The following DHX32 variants were observed in gnomAD, a reference collection of about 807,000 sequenced individuals.
The protein encoded by DHX32 is putative pre-mRNA-splicing factor ATP-dependent RNA helicase DHX32.
DHX32 carries 51 observed loss-of-function variants against 70.0 expected under a neutral mutation model. That is an observed-to-expected ratio of 0.73 (90% CI 0.58 to 0.92). The LOEUF is 0.92. DHX32 is among the 40% of genes least tolerant of loss of function. The pLI, the probability that DHX32 is intolerant of heterozygous loss-of-function variation, is 0.00. For missense variants in DHX32, 762 were observed against 891.8 expected (o/e 0.85, Z 1.85); for synonymous variants, 310 against 315.3 (o/e 0.98, Z 0.18).
chr10:125,857,922 C>T (rs1589711755), intron 3 of DHX32, among the ~76,000 whole-genome samples: 1 of 140,298 alleles, frequency 7.1e-6, no homozygotes, highest in Non-Finnish European at 1.5e-5. Context: ...TTTCTAGAGA[C>T]AGGGTCTTGC....
At chr10:125,848,376 G>A (rs1239678768) in intron 6 of DHX32, among the ~76,000 whole-genome samples, 1 of 152,132 alleles carries the variant, frequency 6.6e-6, no homozygotes, top group Non-Finnish European at 1.5e-5. Context: ...CATCTCATTT[G>A]TACCTCTAAA....
chr10:125,881,477 T>C (rs1944317200), upstream of DHX32, among the ~76,000 whole-genome samples: 1 of 152,112 alleles, frequency 6.6e-6, no homozygotes, highest in Non-Finnish European at 1.5e-5. Flanking sequence ...ACCTGGTGAG[T>C]GTTCCTCTAA....
intron 4 of DHX32, 29 bp downstream of exon 4, chr10:125,853,932 G>A (rs1944123569): frequency 1.3e-6 from 2 of 1,597,488 alleles, no homozygotes; most frequent in Non-Finnish European, 1.7e-6. Flanking sequence ...ACGATCAGCA[G>A]TCTGTTTAGC....
intron 6 of DHX32, among the ~76,000 whole-genome samples, chr10:125,851,267 C>T (rs954045708): frequency 2.0e-5 from 3 of 152,200 alleles, no homozygotes; most frequent in African/African-American, 7.2e-5. Context: ...ATATTTTCCC[C>T]AAGCACAGCA....
chr10:125,847,480 C>G (rs1425783847), intron 6 of DHX32, among the ~76,000 whole-genome samples: 3 of 152,066 alleles, frequency 2.0e-5, no homozygotes, highest in African/African-American at 7.2e-5. Context: ...TAGGGAAGAA[C>G]AAAAAGAGCT....
intron 1 of DHX32, among the ~76,000 whole-genome samples, chr10:125,888,096 T>C (rs1012638280): frequency 6.6e-6 from 1 of 152,220 alleles, no homozygotes; most frequent in Admixed American, 6.5e-5. Context: ...CCCTGTACTA[T>C]ATAATATACA....
chr10:125,854,431 G>A (rs924354977), intron 3 of DHX32: 8 of 342,532 alleles, frequency 2.3e-5, no homozygotes, highest in African/African-American at 6.5e-5. Flanking sequence ...ATTTAATTTT[G>A]TTAGATTTCA....
At chr10:125,895,181 T>C (rs944066341) in intron 1 of DHX32, among the ~76,000 whole-genome samples, 2 of 152,242 alleles carry the variant, frequency 1.3e-5, no homozygotes, top group African/African-American at 4.8e-5. Flanking sequence ...TCACAGAATA[T>C]ATGCTTCTCA....
rs1854862484 is a variant in DHX32 at position 125,841,009 on chromosome 10, A to G, written c.1544-13T>C. 6.3e-7 allele frequency: 1 copy of G among 1,592,568 alleles called. No individual in the cohort carries two copies. Among genetic ancestry groups the G allele is most frequent in the South Asian group, 1.1e-5 (1 of 89,552 alleles). ...AAGCAATTTGGAGCTTCAAAATGAA[A>G]AAGGTCACATGGTTAGCAATAATGA... On this transcript the variant is annotated splice_polypyrimidine_tract_variant and intron_variant, in intron 7 of 10. Transcript: ENST00000284690.
chr10:125,880,100 T>C (rs1944308279), intron 1 of DHX32, among the ~76,000 whole-genome samples: 1 of 152,252 alleles, frequency 6.6e-6, no homozygotes, highest in Admixed American at 6.5e-5. Flanking sequence ...CCTTGTGCTT[T>C]TGATTTCAGT....
intron 9 of DHX32, among the ~76,000 whole-genome samples, chr10:125,838,691 CA>C (rs1298773394): frequency 6.6e-6 from 1 of 152,156 alleles, no homozygotes; most frequent in Non-Finnish European, 1.5e-5. Context: ...CTATGGGCGA[CA>C]TACACTCCAA....
intron 3 of DHX32, among the ~76,000 whole-genome samples, chr10:125,856,142 T>C (rs1315500689): frequency 2.0e-5 from 3 of 152,250 alleles, no homozygotes; most frequent in African/African-American, 7.2e-5. Context: ...ATTCATTTCC[T>C]TGATTCTTAT....
At position 125,859,680 on chromosome 10, in the gene DHX32, A is replaced by C. The variant is rs774718823; in HGVS notation, c.772T>G (p.Ser258Ala). The C allele has an allele frequency of 2.5e-6, 4 of 1,613,464 alleles. No homozygotes were observed. The highest frequency in any genetic ancestry group is 1.1e-5 in the South Asian group (1 of 90,862). The change falls in exon 3 of 11, where the codon TCT becomes GCT. Residue 258 changes from serine to alanine, a missense_variant. Physicochemically the swap from Ser to Ala is moderately conservative, Grantham distance 99. Coordinates refer to ENST00000284690, the MANE Select transcript of DHX32 (RefSeq NM_018180.3). The stretch of plus-strand genomic sequence containing the variant: ...ATTTCAAAGATAAGGCGTAAAATAG[A>C]CTCAAAAGAATCCTTTTGAGCCTCA... ...LSEAQKDSFE[S>A]ILRLIFEIHH...
intron 1 of DHX32, among the ~76,000 whole-genome samples, chr10:125,886,848 T>C (rs1326139218): frequency 6.6e-6 from 1 of 152,274 alleles, no homozygotes; most frequent in African/African-American, 2.4e-5. Context: ...CACTGATCTT[T>C]GTGGGACCGC....
At chr10:125,860,308 A>G (rs1944178460) in intron 2 of DHX32, among the ~76,000 whole-genome samples, 1 of 152,230 alleles carries the variant, frequency 6.6e-6, no homozygotes, top group African/African-American at 2.4e-5. Context: ...TTATACATAA[A>G]AAGTAGTATC....
At chr10:125,847,330 C>G (rs1944034857) in intron 6 of DHX32, among the ~76,000 whole-genome samples, 1 of 152,214 alleles carries the variant, frequency 6.6e-6, no homozygotes, top group Admixed American at 6.5e-5. Context: ...TCATAATTCA[C>G]TTTTTCCTTA....
chr10:125,872,178 T>G (rs764094835), intron 1 of DHX32, among the ~76,000 whole-genome samples: 1 of 152,120 alleles, frequency 6.6e-6, no homozygotes, highest in Non-Finnish European at 1.5e-5. Context: ...TTCTGGGTAC[T>G]ACTTAGCAAC....
Position 125,838,296 on chromosome 10 carries a change from G to A in DHX32, c.1973C>T (p.Thr658Ile). Reference sequence around the variant, plus strand: ...GAGGACCCACTCTGGCATCTTCTTGGTGATTGAGTAACCAGACAGGGGATG... The same window carrying A: ...GAGGACCCACTCTGGCATCTTCTTGATGATTGAGTAACCAGACAGGGGATG... ...QLHPLSGYSI[T>I]KKMPEWVLFH... Residue 658 changes from threonine to isoleucine, a missense_variant, in exon 10 of 11, where the codon ACC becomes ATC. By Grantham distance (89) the Thr-to-Ile change is moderately conservative. Coordinates refer to ENST00000284690, the MANE Select transcript of DHX32 (RefSeq NM_018180.3). The A allele has an allele frequency of 6.2e-7, 1 of 1,613,888 alleles. No homozygotes were observed. Among genetic ancestry groups the A allele is most frequent in the Non-Finnish European group, 8.5e-7 (1 of 1,179,966 alleles).
At chr10:125,890,849 T>A (rs1352855116) in intron 1 of DHX32, among the ~76,000 whole-genome samples, 1 of 152,156 alleles carries the variant, frequency 6.6e-6, no homozygotes, top group Non-Finnish European at 1.5e-5. Flanking sequence ...GTGGGGAGGA[T>A]AATTTGAGCC....
Sources: allele counts gnomAD v4.1 joint callset (sites outside exome capture counted in the v4.1 genomes callset), GRCh38; gene constraint gnomAD v4.1.1; transcripts MANE v1.5; gene names NCBI Gene and HGNC (gene_info 2026-07-23, HGNC 2026-07-21).